Variants in USP20 observed in about 807,000 individuals in gnomAD.
USP20 encodes the protein ubiquitin carboxyl-terminal hydrolase 20.
A neutral mutation model predicts 124.2 loss-of-function variants in USP20; 80 were observed. The ratio of observed to expected loss-of-function variants is 0.64; its 90% CI spans 0.54 to 0.78. The LOEUF (loss-of-function observed/expected upper bound fraction) is 0.78. Ranked by LOEUF, USP20 falls within the 30% of genes least tolerant of loss-of-function variation. USP20 has a pLI of 0.00. For missense variants in USP20, 1,043 were observed against 1,244.4 expected (o/e 0.84, Z 2.44); for synonymous variants, 481 against 512.3 (o/e 0.94, Z 0.83).
chr9:129,839,634 G>A lies in USP20; in HGVS notation c.-129+4135G>A, dbSNP rs1008317347. On this transcript the variant is annotated intron_variant, in intron 1 of 25. Coordinates refer to ENST00000372429, the MANE Select transcript of USP20 (RefSeq NM_001110303.4). This position sits in a 1 kb window ranked among gnomAD's most constrained non-coding sequence, Gnocchi z 4.5. Reference sequence around the variant, plus strand: ...GCACACACCCTGTGCGGGGCTGGGGGTGTGAGATGGCTAATGTGGTTGGGG... The same window carrying A: ...GCACACACCCTGTGCGGGGCTGGGGATGTGAGATGGCTAATGTGGTTGGGG... Among the ~76,000 whole-genome samples, 5 of 152,102 alleles carry A rather than the reference G, an allele frequency of 3.3e-5. No individual in the cohort carries two copies. Among genetic ancestry groups the A allele is most frequent in the Non-Finnish European group, 4.4e-5 (3 of 67,992 alleles).
chr9:129,863,929 AACCC>A lies in USP20; in HGVS notation c.611+631_611+634del, dbSNP rs538932992. Reference sequence around the variant, plus strand: ...GAGACCGTTCTGGCCAACATGGTGAAACCCCGTGTCTAATAAAAATACAAAAATT... The same window carrying A: ...GAGACCGTTCTGGCCAACATGGTGAACGTGTCTAATAAAAATACAAAAATT... On this transcript the variant is annotated intron_variant, in intron 9 of 25. Coordinates refer to ENST00000372429, the MANE Select transcript of USP20 (RefSeq NM_001110303.4). 2.1e-3 allele frequency among the ~76,000 whole-genome samples: 327 copies of A among 152,170 alleles called. 4 individuals carry two copies. Among genetic ancestry groups the A allele is most frequent in the African/African-American group, 7.6e-3 (314 of 41,488 alleles).
chr9:129,875,584 A>G lies in USP20; in HGVS notation c.2243A>G (p.Tyr748Cys). Reference sequence around the variant, plus strand: ...GGCATCCCGCCCCACAAATACCACTACATCGACGACCTGGTGGTCATCCTG... The same window carrying G: ...GGCATCCCGCCCCACAAATACCACTGCATCGACGACCTGGTGGTCATCCTG... ...HGGIPPHKYH[Y>C]IDDLVVILPQ... The change falls in exon 21 of 26, where the codon TAC (tyrosine) becomes TGC (cysteine). Residue 748 changes from tyrosine (Y) to cysteine (C), a missense_variant. Physicochemically the swap from Tyr to Cys is radical, Grantham distance 194 (BLOSUM62 -2). Coordinates refer to ENST00000372429, the MANE Select transcript of USP20 (RefSeq NM_001110303.4). 2 of 1,613,998 alleles carry G rather than the reference A, an allele frequency of 1.2e-6. No homozygotes were observed. The highest frequency in any genetic ancestry group is 1.7e-6 in the Non-Finnish European group (2 of 1,179,962).
At chr9:129,878,585 A>G (rs1277418067) in intron 23 of USP20, 145 bp downstream of exon 23, 2 of 715,644 alleles carry the variant, frequency 2.8e-6, no homozygotes, top group Non-Finnish European at 4.6e-6. Context: ...AACAGAGAGC[A>G]TGGGGCTTTG....
At chr9:129,846,327 C>T (rs1305787945) in intron 1 of USP20, among the ~76,000 whole-genome samples, 1 of 127,730 alleles carries the variant, frequency 7.8e-6, no homozygotes, top group African/African-American at 2.9e-5. Context: ...GCCATCATAG[C>T]TCACTGCAGC....
chr9:129,837,094 G>C (rs1004959061), intron 1 of USP20, among the ~76,000 whole-genome samples: 3 of 152,192 alleles, frequency 2.0e-5, no homozygotes, highest in Admixed American at 6.5e-5. Flanking sequence ...ACCACCACCT[G>C]TGCTGTGGCA....
intron 22 of USP20, among the ~76,000 whole-genome samples, chr9:129,876,638 C>A (rs1447666768): frequency 3.2e-5 from 4 of 126,718 alleles, no homozygotes; most frequent in African/African-American, 1.2e-4. Flanking sequence ...GACTCCATCT[C>A]AAAAAAAAAA....
intron 15 of USP20, among the ~76,000 whole-genome samples, chr9:129,873,080 C>T (rs145999461): frequency 0.011 from 835 of 78,372 alleles, 7 homozygotes; most frequent in Middle Eastern, 0.069. Context: ...TTTTCTTCTT[C>T]TTTTTTTTTT....
In USP20 at chr9:129,869,704, A is replaced by G. The variant is rs1339991418; in HGVS notation, c.1425A>G (p.Leu475=). ...VSTTVETFQD[L]SLPIPGKEDL... Reference sequence around the variant, plus strand: ...CCACAGTGGAAACGTTCCAGGACTTATCACTGCCCATTCCTGGAAAGGAGG... The same window carrying G: ...CCACAGTGGAAACGTTCCAGGACTTGTCACTGCCCATTCCTGGAAAGGAGG... Residue 475 remains leucine (L), a synonymous_variant, in exon 14 of 26, where the codon TTA becomes TTG. Transcript: ENST00000372429. The G allele has an allele frequency of 4.3e-6, 7 of 1,614,104 alleles. No homozygotes were observed. The highest frequency in any genetic ancestry group is 1.6e-4 in the Middle Eastern group (1 of 6,062).
At chr9:129,877,472 G>A (rs889190934) in intron 22 of USP20, among the ~76,000 whole-genome samples, 7 of 152,080 alleles carry the variant, frequency 4.6e-5, no homozygotes, top group South Asian at 2.1e-4. Flanking sequence ...GCAGTGAGCC[G>A]TGATCATGCC....
chr9:129,861,431 T>C, intron 7 of USP20, 112 bp from the exon 8 acceptor site: 1 of 945,644 alleles, frequency 1.1e-6, no homozygotes, highest in Non-Finnish European at 1.7e-6. Flanking sequence ...CATGTCCTCT[T>C]CTTGGGTCTT....
At chr9:129,877,249 TG>T in intron 22 of USP20, among the ~76,000 whole-genome samples, 1 of 152,220 alleles carries the variant, frequency 6.6e-6, no homozygotes, top group East Asian at 1.9e-4. Flanking sequence ...CTGGGCATGG[TG>T]GCTCACGCCT....
chr9:129,879,570 C>A lies in USP20; in HGVS notation c.2513-3C>A. On this transcript the variant is annotated splice_polypyrimidine_tract_variant and splice_region_variant and intron_variant, in intron 23 of 25. Coordinates refer to ENST00000372429, the MANE Select transcript of USP20 (RefSeq NM_001110303.4). This position sits in a 1 kb window ranked among gnomAD's most constrained non-coding sequence, Gnocchi z 4.2. ...GAACCCGAGCCCGCTGTGTCTGTTGCAGAGCCCCCCGGGCCCATTGACAAC... is the reference window on the plus strand; with the variant it reads ...GAACCCGAGCCCGCTGTGTCTGTTGAAGAGCCCCCCGGGCCCATTGACAAC... The A allele has an allele frequency of 6.2e-7, 1 of 1,613,392 alleles. No homozygotes were observed. The highest frequency in any genetic ancestry group is 8.5e-7 in the Non-Finnish European group (1 of 1,179,876).
intron 1 of USP20, among the ~76,000 whole-genome samples, chr9:129,843,858 G>A (rs971011407): frequency 2.0e-5 from 3 of 152,196 alleles, no homozygotes; most frequent in African/African-American, 7.2e-5. Context: ...GAACCCAGGA[G>A]TTCCAGACCA....
chr9:129,874,649 TC>T lies in USP20; in HGVS notation c.1819del (p.Leu607SerfsTer45). The T allele has an allele frequency of 3.7e-6, 6 of 1,613,796 alleles. No individual in the cohort carries two copies. The highest frequency in any genetic ancestry group is 5.1e-6 in the Non-Finnish European group (6 of 1,179,984). On this transcript the variant is annotated frameshift_variant, in exon 18 of 26. Coordinates refer to ENST00000372429, the MANE Select transcript of USP20 (RefSeq NM_001110303.4). LOFTEE classifies it high-confidence loss of function. ...YSFKINSHVS[F>X]PLEGLDLRPF... ...TTCAAGATCAACAGCCACGTCTCCT[TC>T]CCCCTCGAGGGGCTCGACCTGCGCC...
chr9:129,863,168 T>G lies in USP20; in HGVS notation c.498-18T>G, dbSNP rs1396579238. 1.3e-6 allele frequency: 2 copies of G among 1,509,166 alleles called. No individual in the cohort carries two copies. The highest frequency in any genetic ancestry group is 1.2e-5 in the South Asian group (1 of 81,092). 93.5% of individuals were successfully genotyped at this position (1,509,166 alleles called of 1,614,324 possible). On this transcript the variant is annotated intron_variant, in intron 8 of 25. Coordinates refer to ENST00000372429, the MANE Select transcript of USP20 (RefSeq NM_001110303.4). ...CTCATTTGCTCTCCTGACCTGGCTC[T>G]CTCTCCCCTGCACCCAGCCCGCCGC...
At position 129,879,255 on chromosome 9, in the gene USP20, C is replaced by T. The variant is rs1425432440; in HGVS notation, c.2513-318C>T. 1.1e-5 allele frequency: 4 copies of T among 356,754 alleles called. No homozygotes were observed. The highest frequency in any genetic ancestry group is 4.2e-5 in the African/African-American group (2 of 47,828). 22.1% of individuals were successfully genotyped at this position (356,754 alleles called of 1,614,324 possible). A position where few individuals can be genotyped will look rare whatever the true frequency, so the allele number is the denominator to read the frequency against. On this transcript the variant is annotated intron_variant, in intron 23 of 25. Transcript: ENST00000372429. The surrounding 1 kb of genome is among the most constrained non-coding windows in gnomAD (Gnocchi z 4.2). ...AACCTCTGTCTTGTCCTGTGGTTGC[C>T]GAGGCTAAATGAGATAGCTGGGCAG...
chr9:129,861,105 A>G (rs930857660), intron 7 of USP20, 72 bp downstream of exon 7: 2 of 1,409,084 alleles, frequency 1.4e-6, no homozygotes, highest in African/African-American at 2.8e-5. Flanking sequence ...GGAAACCGCC[A>G]GAGTCTTGGT....
At chr9:129,877,701 C>T (rs1044899675) in intron 22 of USP20, among the ~76,000 whole-genome samples, 2 of 151,394 alleles carry the variant, frequency 1.3e-5, no homozygotes, top group Non-Finnish European at 2.9e-5. Flanking sequence ...CCCCCCATCT[C>T]GAAAAAGAAA....
chr9:129,870,195 C>G (rs2034046541), intron 14 of USP20: 1 of 570,792 alleles, frequency 1.8e-6, no homozygotes, highest in African/African-American at 1.9e-5. Context: ...ACCCGCATGA[C>G]CCCAGGGAGG....
Sources: gnomAD v4.1 joint callset for allele counts (sites outside exome capture counted in the v4.1 genomes callset) on GRCh38, gnomAD v4.1.1 for gene constraint, Gnocchi (gnomAD v3.1) non-coding constraint, MANE v1.5 for transcripts, NCBI Gene and HGNC (gene_info 2026-07-23, HGNC 2026-07-21) for gene names.